The following DLGAP1 variants were observed in gnomAD, a reference collection of about 807,000 sequenced individuals.
The protein encoded by DLGAP1 is disks large-associated protein 1.
DLGAP1 carries 11 observed loss-of-function variants against 90.8 expected under a neutral mutation model. The ratio of observed to expected loss-of-function variants is 0.12; its 90% CI spans 0.08 to 0.20. The LOEUF is 0.20. Ranked by LOEUF, DLGAP1 falls within the 10% of genes least tolerant of loss-of-function variation. The pLI is 1.00. For missense variants in DLGAP1, 1,050 were observed against 1,333.8 expected, an observed-to-expected ratio of 0.79 and a Z score of 3.31; for synonymous variants, 558 against 540.7, an observed-to-expected ratio of 1.03 and a Z score of -0.44.
chr18:4,391,601 C>A (rs2082341747), intron 1 of DLGAP1, among the ~76,000 whole-genome samples: 1 of 152,112 alleles, frequency 6.6e-6, no homozygotes, highest in Non-Finnish European at 1.5e-5. Flanking sequence ...GACTACATAG[C>A]CCATAACATC....
intron 2 of DLGAP1, among the ~76,000 whole-genome samples, chr18:4,009,093 C>T (rs1457094149): frequency 1.3e-5 from 2 of 152,118 alleles, no homozygotes; most frequent in African/African-American, 4.8e-5. Flanking sequence ...TTTAGTAGAA[C>T]GGGGTTTCAC....
Position 3,690,094 on chromosome 18 carries a change from GTT to G in DLGAP1, c.1591+39039_1591+39040del, listed in dbSNP as rs77999372. ...AACAGTACCCTGCGGGCTGGGTGAG[GTT>G]TTTTTTTTTTTTTTTTTTTTTTGAC... On this transcript the variant is annotated intron_variant, in intron 7 of 12. Coordinates refer to ENST00000315677, the MANE Select transcript of DLGAP1 (RefSeq NM_004746.4). 3.1e-4 allele frequency among the ~76,000 whole-genome samples: 36 copies of G among 116,886 alleles called. 1 individual carries two copies. The highest frequency in any genetic ancestry group is 7.8e-4 in the South Asian group (3 of 3,864). 76.7% of individuals were successfully genotyped at this position (116,886 alleles called of 152,430 possible).
intron 6 of DLGAP1, among the ~76,000 whole-genome samples, chr18:3,732,460 T>C (rs1458420201): frequency 6.7e-6 from 1 of 148,436 alleles, no homozygotes; most frequent in Non-Finnish European, 1.5e-5. Flanking sequence ...AATGATTTAG[T>C]TCATATAGAA....
At chr18:3,741,186 C>G (rs1422226678) in intron 6 of DLGAP1, among the ~76,000 whole-genome samples, 5 of 65,038 alleles carry the variant, frequency 7.7e-5, no homozygotes, top group Non-Finnish European at 1.6e-4. Context: ...CCACCACCAC[C>G]ACCACCACCA....
chr18:3,623,789 A>G (rs1275574472), intron 7 of DLGAP1, among the ~76,000 whole-genome samples: 2 of 151,742 alleles, frequency 1.3e-5, no homozygotes, highest in Non-Finnish European at 2.9e-5. Context: ...AAAAAAAAAA[A>G]AAAAAAAAGG....
chr18:3,871,777 T>C (rs1381815669), intron 4 of DLGAP1, among the ~76,000 whole-genome samples: 1 of 152,194 alleles, frequency 6.6e-6, no homozygotes, highest in Non-Finnish European at 1.5e-5. Flanking sequence ...TGGATCTGAG[T>C]TCATGAATCA....
At chr18:4,362,623 T>C (rs1031843924) in intron 1 of DLGAP1, among the ~76,000 whole-genome samples, 4 of 152,104 alleles carry the variant, frequency 2.6e-5, no homozygotes, top group African/African-American at 4.8e-5. Flanking sequence ...AGTTTCAGTT[T>C]TGCAAGATGA....
At chr18:3,884,514 G>T (rs2071258467) in intron 3 of DLGAP1, among the ~76,000 whole-genome samples, 1 of 152,100 alleles carries the variant, frequency 6.6e-6, no homozygotes, top group Non-Finnish European at 1.5e-5. Context: ...AAATATACAA[G>T]ATTATTTTAA....
intron 1 of DLGAP1, among the ~76,000 whole-genome samples, chr18:4,311,323 T>TA (rs1479633691): frequency 6.6e-6 from 1 of 152,224 alleles, no homozygotes; most frequent in Non-Finnish European, 1.5e-5. Context: ...TCATCAGCCT[T>TA]ACTTTTTAAG....
At chr18:4,239,076 G>A (rs1482588745) in intron 1 of DLGAP1, among the ~76,000 whole-genome samples, 1 of 152,184 alleles carries the variant, frequency 6.6e-6, no homozygotes, top group East Asian at 1.9e-4. Context: ...GTTGTGCAGT[G>A]CACAACTTCA....
At chr18:4,253,207 T>A (rs1410456213) in intron 1 of DLGAP1, among the ~76,000 whole-genome samples, 2 of 152,204 alleles carry the variant, frequency 1.3e-5, no homozygotes, top group Admixed American at 6.5e-5. Flanking sequence ...TAGGATTTTA[T>A]GGCCAATCAA....
intron 2 of DLGAP1, among the ~76,000 whole-genome samples, chr18:4,087,738 T>A (rs2075707798): frequency 6.6e-6 from 1 of 152,168 alleles, no homozygotes; most frequent in African/African-American, 2.4e-5. Flanking sequence ...CATGGTGTAT[T>A]TTTTTACATT....
chr18:4,306,125 G>A (rs1372050242), intron 1 of DLGAP1, among the ~76,000 whole-genome samples: 1 of 151,420 alleles, frequency 6.6e-6, no homozygotes, highest in African/African-American at 2.4e-5. Context: ...AATAACAGCA[G>A]ATAGGTGATA....
rs1174009947 is a variant in DLGAP1 at position 3,814,050 on chromosome 18, A to G, written c.1172+9T>C. On this transcript the variant is annotated intron_variant, in intron 5 of 12. Transcript: ENST00000315677. ...GGACTATCGCAAGTGCAGGGTTAGG[A>G]CTACTCACTTGAGTGTGGTGAGTTC... 1.2e-6 allele frequency: 2 copies of G among 1,613,644 alleles called. No homozygotes were observed. The highest frequency in any genetic ancestry group is 2.7e-5 in the African/African-American group (2 of 74,920).
intron 1 of DLGAP1, among the ~76,000 whole-genome samples, chr18:4,445,383 G>C (rs999358867): frequency 5.3e-5 from 8 of 150,912 alleles, no homozygotes; most frequent in Non-Finnish European, 1.2e-4. Context: ...TGCCATGCTG[G>C]TGCGCTGCAC....
intron 1 of DLGAP1, among the ~76,000 whole-genome samples, chr18:4,406,657 C>T (rs1273500493): frequency 2.0e-5 from 3 of 152,140 alleles, no homozygotes; most frequent in African/African-American, 4.8e-5. Context: ...GCCACTAATT[C>T]TCTCTATACA....
intron 1 of DLGAP1, among the ~76,000 whole-genome samples, chr18:4,154,540 G>C (rs2076724462): frequency 6.6e-6 from 1 of 151,902 alleles, no homozygotes; most frequent in South Asian, 2.1e-4. Flanking sequence ...TTGGCTGAGA[G>C]TGCGGAGAAG....
At chr18:4,094,603 C>CTTTTTTTTTT (rs1568393314) in intron 2 of DLGAP1, among the ~76,000 whole-genome samples, 1 of 131,034 alleles carries the variant, frequency 7.6e-6, no homozygotes, top group African/African-American at 2.9e-5. Flanking sequence ...CTTCCTTTCT[C>CTTTTTTTTTT]TTTCTTTTTT....
At chr18:3,887,143 A>C (rs1307599675) in intron 3 of DLGAP1, among the ~76,000 whole-genome samples, 1 of 152,186 alleles carries the variant, frequency 6.6e-6, no homozygotes, top group African/African-American at 2.4e-5. Flanking sequence ...CTTGCTATTG[A>C]ACCACGTGAC....
Sources: allele counts gnomAD v4.1 joint callset (sites outside exome capture counted in the v4.1 genomes callset), GRCh38; gene constraint gnomAD v4.1.1; transcripts MANE v1.5; gene names NCBI Gene and HGNC (gene_info 2026-07-23, HGNC 2026-07-21).